The following DSE variants were observed in gnomAD, a reference collection of about 807,000 sequenced individuals.
DSE encodes dermatan sulfate epimerase.
Under a neutral mutation model 84.4 loss-of-function variants are expected in DSE, and 36 were observed. That is an observed-to-expected ratio of 0.43 (90% confidence interval 0.33 to 0.56). DSE has a LOEUF of 0.56. Among genes scored for constraint, DSE ranks in the 20% least tolerant of loss-of-function variants. The pLI, the probability that DSE is intolerant of heterozygous loss-of-function variation, is 0.06. For missense variants in DSE, 862 were observed against 1,169.6 expected, an observed-to-expected ratio of 0.74 and a Z score of 3.84; for synonymous variants, 410 against 430.1, an observed-to-expected ratio of 0.95 and a Z score of 0.58.
At chr6:116,370,565 C>G (rs374137385), upstream of DSE, 26 of 945,796 alleles carry the variant, frequency 2.7e-5, no homozygotes, top group East Asian at 1.4e-3. Flanking sequence ...AGCTCCTCCC[C>G]CTGGGCCTCC....
chr6:116,392,076 A>G (rs374828261), intron 1 of DSE, among the ~76,000 whole-genome samples: 1 of 152,212 alleles, frequency 6.6e-6, no homozygotes, highest in African/African-American at 2.4e-5. Flanking sequence ...TTTTATTACT[A>G]TAGTTAAAAT....
At chr6:116,393,739 A>G (rs1435211550) in intron 1 of DSE, among the ~76,000 whole-genome samples, 1 of 152,224 alleles carries the variant, frequency 6.6e-6, no homozygotes, top group Non-Finnish European at 1.5e-5. Context: ...AATTTGGCAC[A>G]TATTATAAGA....
intron 2 of DSE, among the ~76,000 whole-genome samples, chr6:116,294,297 A>G (rs977687210): frequency 2.0e-5 from 3 of 152,304 alleles, no homozygotes; most frequent in Non-Finnish European, 2.9e-5. Flanking sequence ...TGTTGGGATT[A>G]TAGGAGTGAG....
intron 2 of DSE, among the ~76,000 whole-genome samples, chr6:116,418,926 A>T (rs558055308): frequency 6.6e-6 from 1 of 152,346 alleles, no homozygotes; most frequent in African/African-American, 2.4e-5. Context: ...GAGAAGATGA[A>T]ATGACACAAT....
At chr6:116,280,419 AC>A (rs1395430934) in intron 2 of DSE, among the ~76,000 whole-genome samples, 19 of 152,194 alleles carry the variant, frequency 1.2e-4, no homozygotes, top group Non-Finnish European at 2.6e-4. Context: ...GCAGCCTCTT[AC>A]CACTAAAGCG....
At chr6:116,359,370 C>A (rs1043426205) in intron 2 of DSE, among the ~76,000 whole-genome samples, 1 of 152,062 alleles carries the variant, frequency 6.6e-6, no homozygotes, top group African/African-American at 2.4e-5. Context: ...AACCTCCATA[C>A]TATTATTTTT....
intron 2 of DSE, among the ~76,000 whole-genome samples, chr6:116,298,755 A>G (rs1774817381): frequency 6.6e-6 from 1 of 152,210 alleles, no homozygotes; most frequent in Admixed American, 6.5e-5. Context: ...TTCATGTAAT[A>G]CTGTTAGCTA....
At chr6:116,388,816 A>T (rs924395444) in intron 1 of DSE, among the ~76,000 whole-genome samples, 5 of 152,272 alleles carry the variant, frequency 3.3e-5, no homozygotes, top group African/African-American at 9.6e-5. Context: ...ACTTTGGTTG[A>T]TGAAGAAGTA....
chr6:116,287,759 G>A (rs961702665), intron 2 of DSE, among the ~76,000 whole-genome samples: 1 of 151,966 alleles, frequency 6.6e-6, no homozygotes, highest in Admixed American at 6.6e-5. Context: ...CTCATTTTTT[G>A]TAATTACTAA....
chr6:116,259,843 G>A (rs772642159), intron 2 of DSE, among the ~76,000 whole-genome samples: 44 of 152,288 alleles, frequency 2.9e-4, no homozygotes, highest in Admixed American at 1.7e-3. Context: ...TGGCTGCATA[G>A]TATTCTGTGG....
At chr6:116,278,508 G>A (rs888470546) in intron 2 of DSE, 2 of 1,613,886 alleles carry the variant, frequency 1.2e-6, no homozygotes, top group Non-Finnish European at 1.7e-6. Context: ...GTATTCCCAA[G>A]GGCAAATGTT....
intron 2 of DSE, among the ~76,000 whole-genome samples, chr6:116,410,048 G>A (rs1172246928): frequency 6.6e-6 from 1 of 152,190 alleles, no homozygotes; most frequent in Non-Finnish European, 1.5e-5. Context: ...ATATAAAGGA[G>A]CTTGGACTTT....
intron 1 of DSE, among the ~76,000 whole-genome samples, chr6:116,381,058 A>T (rs1780192183): frequency 6.6e-6 from 1 of 152,114 alleles, no homozygotes; most frequent in East Asian, 1.9e-4. Flanking sequence ...CTATCATTTT[A>T]TAAGATGATA....
At chr6:116,431,617 C>A (rs1040057387) in intron 4 of DSE, among the ~76,000 whole-genome samples, 5 of 152,016 alleles carry the variant, frequency 3.3e-5, no homozygotes, top group Admixed American at 1.3e-4. Context: ...TCAAACTATA[C>A]AGACATGATT....
At chr6:116,344,827 G>A (rs192056769) in intron 2 of DSE, among the ~76,000 whole-genome samples, 43 of 152,214 alleles carry the variant, frequency 2.8e-4, no homozygotes, top group African/African-American at 7.7e-4. Flanking sequence ...GACACAGACC[G>A]GCAAATTGGA....
rs1319228270 is a variant in DSE, at chr6:116,440,929, C to G, written c.*3584C>G. ...CAAGCAAGGGGGGCCTGATCCTTTC[C>G]CTGTTCGCTGTGTATTCCCTGTCTG... On this transcript the variant is annotated 3_prime_UTR_variant, in exon 6 of 6. Transcript: ENST00000644252. The G allele has an allele frequency of 1.3e-5, 2 of 152,178 alleles. No homozygotes were observed. Among genetic ancestry groups the G allele is most frequent in the Non-Finnish European group, 1.5e-5 (1 of 68,036 alleles). 9.4% of individuals were successfully genotyped at this position (152,178 alleles called of 1,614,324 possible).
At chr6:116,336,694 G>T (rs1777271549) in intron 2 of DSE, among the ~76,000 whole-genome samples, 1 of 150,298 alleles carries the variant, frequency 6.7e-6, no homozygotes, top group Admixed American at 6.7e-5. Flanking sequence ...GGCGGAGGTT[G>T]CAATGAGCTG....
chr6:116,281,292 A>G (rs763655156), intron 2 of DSE, among the ~76,000 whole-genome samples: 15 of 152,242 alleles, frequency 9.9e-5, no homozygotes, highest in Non-Finnish European at 1.9e-4. Context: ...ATTCAATCCT[A>G]GAGCCTCCAA....
At chr6:116,425,173 C>G (rs1783351783) in intron 2 of DSE, among the ~76,000 whole-genome samples, 1 of 152,232 alleles carries the variant, frequency 6.6e-6, no homozygotes, top group East Asian at 1.9e-4. Context: ...TTTAAAAAAG[C>G]CTGTATTATT....
Sources: allele counts gnomAD v4.1 joint callset (sites outside exome capture counted in the v4.1 genomes callset), GRCh38; gene constraint gnomAD v4.1.1; transcripts MANE v1.5; gene names NCBI Gene and HGNC (gene_info 2026-07-23, HGNC 2026-07-21).